The following INPP5A variants were observed in gnomAD, a reference collection of about 807,000 sequenced individuals.
INPP5A encodes 43 kDa inositol polyphosphate 5-phophatase.
INPP5A carries 14 observed loss-of-function variants against 65.2 expected under a neutral mutation model. The observed-to-expected ratio is 0.21, with a 90% confidence interval of 0.14 to 0.34. The LOEUF (loss-of-function observed/expected upper bound fraction) is 0.34, where lower values mean the gene tolerates loss of function less well. Among genes scored for constraint, INPP5A ranks in the 10% least tolerant of loss-of-function variants. The probability of loss-of-function intolerance (pLI) is 1.00; values close to 1 mark genes in which losing one functional copy is unlikely to be tolerated. For synonymous variants in INPP5A, 207 were observed against 208.3 expected (o/e 0.99, Z 0.05); for missense variants, 431 against 545.6 (o/e 0.79, Z 2.09).
In INPP5A at chr10:132,637,989, T is replaced by C. The variant is rs1465908756; in HGVS notation, c.118-7879T>C. Reference sequence around the variant, plus strand: ...GGGGTTTGCAAGATTCCTAATTTAATAGCACCCTCTTGTGTTGGTATTGCA... The same window carrying C: ...GGGGTTTGCAAGATTCCTAATTTAACAGCACCCTCTTGTGTTGGTATTGCA... On this transcript the variant is annotated intron_variant, in intron 2 of 15. Coordinates refer to ENST00000368594, the MANE Select transcript of INPP5A (RefSeq NM_005539.5). This position sits in a 1 kb window ranked among gnomAD's most constrained non-coding sequence, Gnocchi z 4.1. Among the ~76,000 whole-genome samples the C allele has an allele frequency of 6.6e-6, 1 of 152,182 alleles. No homozygotes were observed. Among genetic ancestry groups the C allele is most frequent in the East Asian group, 1.9e-4 (1 of 5,194 alleles).
chr10:132,777,483 AAC>A (rs893193475), intron 12 of INPP5A, among the ~76,000 whole-genome samples, 186 bp from the exon 13 acceptor site: 1 of 152,272 alleles, frequency 6.6e-6, no homozygotes, highest in African/African-American at 2.4e-5. Context: ...CTCACATAAA[AAC>A]AGTTTGATAT....
chr10:132,694,530 G>T (rs1446183876), intron 5 of INPP5A, among the ~76,000 whole-genome samples: 1 of 151,896 alleles, frequency 6.6e-6, no homozygotes, highest in African/African-American at 2.4e-5. Flanking sequence ...GTAAGCAGAA[G>T]AAAAGAAATA....
chr10:132,576,038 T>A (rs138777296), intron 1 of INPP5A, among the ~76,000 whole-genome samples: 37 of 152,272 alleles, frequency 2.4e-4, no homozygotes, highest in African/African-American at 8.4e-4. Context: ...GACCTGCAGC[T>A]ACCCACTGGG....
chr10:132,615,297 G>T (rs2072016161), intron 2 of INPP5A, among the ~76,000 whole-genome samples: 1 of 152,224 alleles, frequency 6.6e-6, no homozygotes, highest in South Asian at 2.1e-4. Flanking sequence ...TCCAAGTGTG[G>T]CGTCCGGAAC....
intron 4 of INPP5A, among the ~76,000 whole-genome samples, chr10:132,671,035 G>A (rs774339583): frequency 4.6e-5 from 7 of 151,926 alleles, no homozygotes; most frequent in Non-Finnish European, 1.0e-4. Flanking sequence ...GTCTTTTCCC[G>A]TAAGGGTTGC....
At chr10:132,767,561 C>T (rs983514361) in intron 12 of INPP5A, among the ~76,000 whole-genome samples, 3 of 152,194 alleles carry the variant, frequency 2.0e-5, no homozygotes, top group African/African-American at 7.2e-5. Context: ...CCAGCCTTAT[C>T]CTGTGGGAGG....
At position 132,729,769 on chromosome 10, in the gene INPP5A, C is replaced by T. The variant is rs536970898; in HGVS notation, c.732+2864C>T. Among the ~76,000 whole-genome samples, 15 of 152,328 alleles carry T rather than the reference C, an allele frequency of 9.8e-5. No homozygotes were observed. The East Asian group carries it at 1.2e-3, about 12-fold the overall frequency. ...ACCAATAAACCAGTGGGATCTTCCA[C>T]GGCAGCCTTCATGCTTAACTTTAAA... is the stretch of plus-strand genomic sequence containing the variant. On this transcript the variant is annotated intron_variant, in intron 9 of 15. Coordinates refer to ENST00000368594, the MANE Select transcript of INPP5A (RefSeq NM_005539.5).
chr10:132,756,633 G>A (rs528166389), intron 11 of INPP5A, among the ~76,000 whole-genome samples: 2 of 152,298 alleles, frequency 1.3e-5, no homozygotes, highest in African/African-American at 2.4e-5. Flanking sequence ...GCAGTGTGTC[G>A]TACTTCAGAG....
At chr10:132,681,322 C>T (rs896721491) in intron 4 of INPP5A, among the ~76,000 whole-genome samples, 2 of 152,136 alleles carry the variant, frequency 1.3e-5, no homozygotes, top group African/African-American at 2.4e-5. Context: ...TTTGTTCTTT[C>T]GCTCTTTGCA....
intron 2 of INPP5A, among the ~76,000 whole-genome samples, chr10:132,640,556 T>A (rs372393210): frequency 1.4e-4 from 22 of 152,372 alleles, no homozygotes; most frequent in East Asian, 9.6e-4. Context: ...TCGCCCTGTG[T>A]ATCACTTCTC....
chr10:132,617,620 A>G lies in INPP5A; in HGVS notation c.117+9664A>G, dbSNP rs73399397. 2.9e-3 allele frequency among the ~76,000 whole-genome samples: 443 copies of G among 152,336 alleles called. 2 individuals are homozygous for G. The highest frequency in any genetic ancestry group is 0.01 in the African/African-American group (424 of 41,568). ...ATCCATTGTGACCTTCTTCCTGTTGACAAAGACAGTACATGGAGTGGAAGC... is the reference window on the plus strand; with the variant it reads ...ATCCATTGTGACCTTCTTCCTGTTGGCAAAGACAGTACATGGAGTGGAAGC... On this transcript the variant is annotated intron_variant, in intron 2 of 15. Coordinates refer to ENST00000368594, the MANE Select transcript of INPP5A (RefSeq NM_005539.5).
chr10:132,708,182 G>T (rs1845569381), intron 6 of INPP5A, 131 bp from the exon 7 acceptor site: 1 of 734,612 alleles, frequency 1.4e-6, no homozygotes. Flanking sequence ...TAGTGGGGCG[G>T]CATCAGTGCC....
chr10:132,606,029 G>A lies in INPP5A; in HGVS notation c.76-1886G>A, dbSNP rs550894053. Among the ~76,000 whole-genome samples, 30 of 152,298 alleles carry A rather than the reference G, an allele frequency of 2.0e-4. No individual in the cohort carries two copies. In the East Asian group the frequency reaches 4.6e-3, roughly 24 times the overall value. ...GTCATGACCCATGAATTGGGCTGGA[G>A]CGCGTGTTACTGGGGCGAGGTGCAC... On this transcript the variant is annotated intron_variant, in intron 1 of 15. Coordinates refer to ENST00000368594, the MANE Select transcript of INPP5A (RefSeq NM_005539.5).
chr10:132,714,240 G>A (rs1293801198), intron 8 of INPP5A, among the ~76,000 whole-genome samples: 2 of 152,134 alleles, frequency 1.3e-5, no homozygotes, highest in Non-Finnish European at 2.9e-5. Context: ...TGGCTCCTGC[G>A]GCGCGCTCAG....
rs1438663215 is a variant in INPP5A at position 132,782,598 on chromosome 10, A to G, written c.*569A>G. 1 of 148,224 alleles carries G rather than the reference A, an allele frequency of 6.7e-6. No individual in the cohort carries two copies. The allele number at this position is 148,224 out of a possible 1,614,324, so 9.2% of individuals were successfully genotyped here. The stretch of plus-strand genomic sequence containing the variant: ...CTGCAGCTGCTTTCCATTTTTATAT[A>G]TATATAAATATATATAAATATATAC... On this transcript the variant is annotated 3_prime_UTR_variant, in exon 16 of 16. Transcript: ENST00000368594. The surrounding 1 kb of genome is among the most constrained non-coding windows in gnomAD (Gnocchi z 4.4).
In INPP5A at chr10:132,606,278, G is replaced by A. The variant is rs975553762; in HGVS notation, c.76-1637G>A. Among the ~76,000 whole-genome samples the A allele has an allele frequency of 3.3e-5, 5 of 152,074 alleles. No homozygotes were observed. In the East Asian group the frequency reaches 5.8e-4, roughly 18 times the overall value. ...TGGGTCAGTCGCCTCCCCTCCTGCC[G>A]GGTCCTCAGTGGCGGGACAGCGGCG... On this transcript the variant is annotated intron_variant, in intron 1 of 15. Coordinates refer to ENST00000368594, the MANE Select transcript of INPP5A (RefSeq NM_005539.5).
At chr10:132,708,289 T>A in intron 6 of INPP5A, 24 bp from the exon 7 acceptor site, 2 of 1,613,290 alleles carry the variant, frequency 1.2e-6, no homozygotes, top group South Asian at 2.2e-5. Context: ...TCTGGCTCAT[T>A]TGTGTGACGT....
At position 132,762,327 on chromosome 10, in the gene INPP5A, A is replaced by G. The variant is rs1728717975; in HGVS notation, c.904-3446A>G. ...TGTCAGAGTGAAACAGCGGAACATC[A>G]AAGACGAAGAGAATATTTTTGAAGC... On this transcript the variant is annotated intron_variant, in intron 11 of 15. Coordinates refer to ENST00000368594, the MANE Select transcript of INPP5A (RefSeq NM_005539.5). This position sits in a 1 kb window ranked among gnomAD's most constrained non-coding sequence, Gnocchi z 4.6. Among the ~76,000 whole-genome samples, 1 of 152,250 alleles carries G rather than the reference A, an allele frequency of 6.6e-6. No individual in the cohort carries two copies. The highest frequency in any genetic ancestry group is 2.1e-4 in the South Asian group (1 of 4,836).
chr10:132,588,609 A>G (rs2071576692), intron 1 of INPP5A, among the ~76,000 whole-genome samples: 1 of 152,254 alleles, frequency 6.6e-6, no homozygotes, highest in South Asian at 2.1e-4. Flanking sequence ...CCCCCAGCAC[A>G]GCGCCCACCC....
Sources: gnomAD v4.1 joint callset for allele counts (sites outside exome capture counted in the v4.1 genomes callset) on GRCh38, gnomAD v4.1.1 for gene constraint, Gnocchi (gnomAD v3.1) non-coding constraint, MANE v1.5 for transcripts, NCBI Gene and HGNC (gene_info 2026-07-23, HGNC 2026-07-21) for gene names.